The following PRICKLE2 variants were observed in gnomAD, a reference collection of about 807,000 sequenced individuals.
PRICKLE2 encodes the protein prickle-like protein 2.
Under a neutral mutation model 81.4 loss-of-function variants are expected in PRICKLE2, and 21 were observed. The observed-to-expected ratio is 0.26, with a 90% CI of 0.18 to 0.37. The LOEUF is 0.37. Ranked by LOEUF, PRICKLE2 falls within the 10% of genes least tolerant of loss-of-function variation. The pLI is 1.00. For synonymous variants in PRICKLE2, 456 were observed against 421.5 expected (o/e 1.08, Z -1.00); for missense variants, 940 against 1,109.0 (o/e 0.85, Z 2.16).
intron 7 of PRICKLE2, among the ~76,000 whole-genome samples, chr3:64,111,166 C>T (rs2076840053): frequency 1.3e-5 from 2 of 152,128 alleles, no homozygotes; most frequent in Non-Finnish European, 2.9e-5. Flanking sequence ...AATAATCATA[C>T]AACCTAAGGG....
At chr3:64,214,486 A>T (rs1410077774) in intron 1 of PRICKLE2, among the ~76,000 whole-genome samples, 1 of 152,194 alleles carries the variant, frequency 6.6e-6, no homozygotes, top group Non-Finnish European at 1.5e-5. Flanking sequence ...GGTTTTCTAC[A>T]GGAGGGACAG....
chr3:64,247,690 T>C (rs2079378213), intron 2 of PRICKLE2, among the ~76,000 whole-genome samples: 3 of 152,200 alleles, frequency 2.0e-5, no homozygotes, highest in Admixed American at 1.3e-4. Context: ...ACCTGGGCTA[T>C]GACTATGACA....
intron 1 of PRICKLE2, among the ~76,000 whole-genome samples, chr3:64,221,893 T>C (rs959441178): frequency 6.6e-6 from 1 of 152,178 alleles, no homozygotes; most frequent in African/African-American, 2.4e-5. Context: ...TTGGAACTGA[T>C]GTTTATTAAA....
chr3:64,145,264 T>C (rs989717188), intron 7 of PRICKLE2: 1 of 146,468 alleles, frequency 6.8e-6, no homozygotes, highest in Non-Finnish European at 1.5e-5. Context: ...CAAGTCCAGC[T>C]AATTTATATA....
intron 4 of PRICKLE2, among the ~76,000 whole-genome samples, chr3:64,157,986 C>T (rs367577748): frequency 6.6e-5 from 10 of 152,344 alleles, no homozygotes; most frequent in African/African-American, 2.4e-4. Flanking sequence ...CTATCCCTTC[C>T]CTACCTTCTC....
intron 2 of PRICKLE2, among the ~76,000 whole-genome samples, chr3:64,253,002 T>C (rs1457417548): frequency 2.0e-5 from 3 of 152,198 alleles, no homozygotes; most frequent in Admixed American, 6.5e-5. Flanking sequence ...AGATGATCTA[T>C]GAGTACCTTC....
intron 2 of PRICKLE2, among the ~76,000 whole-genome samples, chr3:64,255,629 C>T (rs890299886): frequency 2.0e-5 from 3 of 152,280 alleles, no homozygotes; most frequent in East Asian, 1.9e-4. Flanking sequence ...ATCTCTCTAG[C>T]GCTCATTTTC....
intron 7 of PRICKLE2, among the ~76,000 whole-genome samples, chr3:64,136,831 A>T (rs2077287510): frequency 6.6e-6 from 1 of 152,198 alleles, no homozygotes; most frequent in African/African-American, 2.4e-5. Flanking sequence ...ATGGCAGACA[A>T]AGGAAATCAG....
intron 2 of PRICKLE2, among the ~76,000 whole-genome samples, chr3:64,246,347 A>G (rs894673946): frequency 3.3e-5 from 5 of 152,240 alleles, no homozygotes; most frequent in Non-Finnish European, 7.3e-5. Context: ...TGACGATGCT[A>G]TTAAAAACAG....
chr3:64,261,570 C>T (rs2079615354), intron 2 of PRICKLE2, among the ~76,000 whole-genome samples: 1 of 152,020 alleles, frequency 6.6e-6, no homozygotes, highest in Non-Finnish European at 1.5e-5. Flanking sequence ...TGGAGCAAGG[C>T]TAGGCAGGAA....
intron 2 of PRICKLE2, among the ~76,000 whole-genome samples, chr3:64,255,828 T>TG (rs2079517146): frequency 6.6e-6 from 1 of 152,176 alleles, no homozygotes; most frequent in African/African-American, 2.4e-5. Context: ...GTAGTAGCAT[T>TG]GGGTGAGACA....
chr3:64,147,747 G>A lies in PRICKLE2; in HGVS notation c.788-45C>T. 1.9e-6 allele frequency: 3 copies of A among 1,608,166 alleles called. No individual in the cohort carries two copies. The highest frequency in any genetic ancestry group is 2.2e-5 in the East Asian group (1 of 44,848). ...TGGAGAGGCTGATGAGCTGCTCAGAGCTCTGCACTGGGACGTGAAACACAT... is the reference window on the plus strand; with the variant it reads ...TGGAGAGGCTGATGAGCTGCTCAGAACTCTGCACTGGGACGTGAAACACAT... On this transcript the variant is annotated intron_variant, in intron 6 of 7. Transcript: ENST00000638394. This position sits in a 1 kb window ranked among gnomAD's most constrained non-coding sequence, Gnocchi z 5.0.
intron 1 of PRICKLE2, among the ~76,000 whole-genome samples, chr3:64,211,375 C>T (rs704395): frequency 0.83 from 126,571 of 152,250 alleles, 53,784 homozygotes; most frequent in Non-Finnish European, 0.92. Flanking sequence ...CACAATGATA[C>T]AGCCAGAAAT....
intron 7 of PRICKLE2, among the ~76,000 whole-genome samples, chr3:64,126,008 T>C (rs985998793): frequency 6.6e-6 from 1 of 152,158 alleles, no homozygotes; most frequent in Non-Finnish European, 1.5e-5. Context: ...TAACAACAAA[T>C]ACCAAAGGAA....
chr3:64,103,838 G>T (rs1415137237), intron 7 of PRICKLE2, among the ~76,000 whole-genome samples: 1 of 151,974 alleles, frequency 6.6e-6, no homozygotes, highest in Non-Finnish European at 1.5e-5. Context: ...AAATTAGCTG[G>T]GCATGGTGGT....
At chr3:64,157,808 AC>A (rs558044518) in intron 4 of PRICKLE2, among the ~76,000 whole-genome samples, 328 of 152,232 alleles carry the variant, frequency 2.2e-3, no homozygotes, top group Non-Finnish European at 3.8e-3. Flanking sequence ...TGGGACCTAT[AC>A]TTTTATATGG....
intron 2 of PRICKLE2, among the ~76,000 whole-genome samples, chr3:64,180,269 T>C (rs1308564746): frequency 6.6e-6 from 1 of 152,242 alleles, no homozygotes; most frequent in Admixed American, 6.5e-5. Context: ...ACTGCTCCAA[T>C]TCCTGAGAGT....
intron 2 of PRICKLE2, among the ~76,000 whole-genome samples, chr3:64,195,142 A>T (rs755102075): frequency 5.3e-5 from 8 of 152,218 alleles, no homozygotes; most frequent in African/African-American, 1.2e-4. Context: ...CCTTATTTGG[A>T]GTGAGCAGAG....
intron 2 of PRICKLE2, among the ~76,000 whole-genome samples, chr3:64,250,701 C>G (rs1328727366): frequency 6.6e-6 from 1 of 152,178 alleles, no homozygotes; most frequent in African/African-American, 2.4e-5. Context: ...CCAGAAAGGC[C>G]TGATTAATCT....
Sources: allele counts gnomAD v4.1 joint callset (sites outside exome capture counted in the v4.1 genomes callset), GRCh38; gene constraint gnomAD v4.1.1; non-coding constraint Gnocchi (gnomAD v3.1); transcripts MANE v1.5; gene names NCBI Gene and HGNC (gene_info 2026-07-23, HGNC 2026-07-21).